NOS1AP: variants seen among roughly 807,000 people sequenced by gnomAD.
NOS1AP encodes the protein nitric oxide synthase 1 adaptor protein.
NOS1AP carries 21 observed loss-of-function variants against 56.2 expected under a neutral mutation model. The observed-to-expected ratio is 0.37, with a 90% CI of 0.26 to 0.54. The LOEUF is 0.54. Ranked by LOEUF, NOS1AP falls within the 20% of genes least tolerant of loss-of-function variation. NOS1AP has a pLI of 0.84. For synonymous variants in NOS1AP, 270 were observed against 274.6 expected, an observed-to-expected ratio of 0.98 and a Z score of 0.17; for missense variants, 522 against 657.8, an observed-to-expected ratio of 0.79 and a Z score of 2.26.
At chr1:162,126,657 T>C (rs984912809) in intron 1 of NOS1AP, among the ~76,000 whole-genome samples, 4 of 152,318 alleles carry the variant, frequency 2.6e-5, no homozygotes, top group Admixed American at 1.3e-4. Context: ...ATGAATGTGG[T>C]TTATTCAACT....
intron 1 of NOS1AP, among the ~76,000 whole-genome samples, chr1:162,110,397 T>C (rs900596807): frequency 3.9e-5 from 6 of 152,062 alleles, no homozygotes; most frequent in African/African-American, 1.2e-4. Flanking sequence ...ATTATATTAA[T>C]AAATTTGTTG....
At chr1:162,310,221 G>A (rs1481899503) in intron 4 of NOS1AP, among the ~76,000 whole-genome samples, 1 of 152,268 alleles carries the variant, frequency 6.6e-6, no homozygotes, top group East Asian at 1.9e-4. Flanking sequence ...AAAAATCAGG[G>A]AATGAGGTAT....
chr1:162,092,863 T>C (rs1222905494), intron 1 of NOS1AP, among the ~76,000 whole-genome samples: 1 of 152,206 alleles, frequency 6.6e-6, no homozygotes, highest in Non-Finnish European at 1.5e-5. Flanking sequence ...TTTAGTACCA[T>C]AAATGAGGGG....
At chr1:162,320,220 C>T (rs1009212065) in intron 4 of NOS1AP, among the ~76,000 whole-genome samples, 16 of 152,080 alleles carry the variant, frequency 1.1e-4, no homozygotes, top group Admixed American at 6.5e-4. Flanking sequence ...ACCTGCTTTT[C>T]GGTGGTGGGG....
chr1:162,367,248 T>G lies in NOS1AP; in HGVS notation c.1302T>G (p.Leu434=). 1 of 1,613,780 alleles carries G rather than the reference T, an allele frequency of 6.2e-7. No individual in the cohort carries two copies. Among genetic ancestry groups the G allele is most frequent in the Non-Finnish European group, 8.5e-7 (1 of 1,179,952 alleles). The change falls in exon 10 of 10, where the codon CTT becomes CTG. Residue 434 remains leucine (L), a synonymous_variant. Coordinates refer to ENST00000361897, the MANE Select transcript of NOS1AP (RefSeq NM_014697.3). This position sits in a 1 kb window ranked among gnomAD's most constrained non-coding sequence, Gnocchi z 6.5. ...CLVKLECFRF[L]PPEDTPPPAQ... is the part of the protein sequence containing the mutation. ...TGAAGCTGGAGTGCTTTCGCTTTCT[T>G]CCGCCCGAGGACACCCCGCCCCCAG...
intron 2 of NOS1AP, among the ~76,000 whole-genome samples, chr1:162,225,907 T>C (rs1470380918): frequency 1.3e-5 from 2 of 152,246 alleles, no homozygotes; most frequent in African/African-American, 2.4e-5. Context: ...ACAATGAAAT[T>C]ATTTTAACAA....
At chr1:162,300,523 A>AG (rs1655615004) in intron 3 of NOS1AP, 110 bp from the exon 4 acceptor site, 1 of 912,510 alleles carries the variant, frequency 1.1e-6, no homozygotes. Context: ...GGCCTCTTAG[A>AG]GGGAAAAAGT....
At chr1:162,233,335 G>A (rs1397719292) in intron 2 of NOS1AP, among the ~76,000 whole-genome samples, 1 of 152,162 alleles carries the variant, frequency 6.6e-6, no homozygotes, top group Non-Finnish European at 1.5e-5. Context: ...GGCTGGCGGG[G>A]TAGTTGTACT....
chr1:162,115,641 G>A (rs925609013), intron 1 of NOS1AP, among the ~76,000 whole-genome samples: 7 of 152,110 alleles, frequency 4.6e-5, no homozygotes, highest in East Asian at 1.9e-4. Flanking sequence ...TCCAATGTGC[G>A]TTTTGCCAAC....
At chr1:162,170,665 G>T (rs1270039781) in intron 2 of NOS1AP, among the ~76,000 whole-genome samples, 1 of 152,260 alleles carries the variant, frequency 6.6e-6, no homozygotes, top group African/African-American at 2.4e-5. Context: ...GGTGGCTCAC[G>T]CCTGTAATCC....
At chr1:162,213,255 C>A (rs191680024) in intron 2 of NOS1AP, among the ~76,000 whole-genome samples, 25 of 152,330 alleles carry the variant, frequency 1.6e-4, no homozygotes, top group Admixed American at 1.0e-3. Flanking sequence ...CTCTCATCCA[C>A]AACATTAGCT....
chr1:162,293,417 A>G (rs1189628577), intron 3 of NOS1AP, among the ~76,000 whole-genome samples: 1 of 152,226 alleles, frequency 6.6e-6, no homozygotes, highest in African/African-American at 2.4e-5. Flanking sequence ...CCATTTCCAC[A>G]TATCAAAAGG....
chr1:162,367,340 A>C lies in NOS1AP; in HGVS notation c.1394A>C (p.Glu465Ala). 6.2e-7 allele frequency: 1 copy of C among 1,613,116 alleles called. No homozygotes were observed. The highest frequency in any genetic ancestry group is 1.1e-5 in the South Asian group (1 of 91,050). The change falls in exon 10 of 10, where the codon GAG becomes GCG. Residue 465 changes from glutamate (E) to alanine (A), a missense_variant. Glu to Ala is a moderately radical substitution (Grantham distance 107). Coordinates refer to ENST00000361897, the MANE Select transcript of NOS1AP (RefSeq NM_014697.3). This position sits in a 1 kb window ranked among gnomAD's most constrained non-coding sequence, Gnocchi z 6.5. ...IKFRESGIAS[E>A]YESNTDESEE... The stretch of plus-strand genomic sequence containing the variant: ...TTCCGAGAGTCAGGCATCGCCTCGG[A>C]GTACGAGTCCAACACGGACGAGAGC...
intron 1 of NOS1AP, among the ~76,000 whole-genome samples, chr1:162,137,770 T>C (rs901768623): frequency 6.6e-6 from 1 of 152,094 alleles, no homozygotes; most frequent in African/African-American, 2.4e-5. Context: ...ACACATGTAA[T>C]TGGGTCTCGC....
At chr1:162,352,106 C>G (rs1177543013) in intron 6 of NOS1AP, among the ~76,000 whole-genome samples, 1 of 152,052 alleles carries the variant, frequency 6.6e-6, no homozygotes, top group East Asian at 1.9e-4. Context: ...ATTGCCCAGG[C>G]TGGAGTGCAG....
At chr1:162,124,860 T>C (rs1234669643) in intron 1 of NOS1AP, among the ~76,000 whole-genome samples, 1 of 152,144 alleles carries the variant, frequency 6.6e-6, no homozygotes, top group Non-Finnish European at 1.5e-5. Context: ...CATCAGTTGA[T>C]GGGCACTTAG....
intron 1 of NOS1AP, among the ~76,000 whole-genome samples, chr1:162,076,755 C>G (rs1426975625): frequency 1.3e-5 from 2 of 152,176 alleles, no homozygotes; most frequent in African/African-American, 2.4e-5. Context: ...ATCCTTACCC[C>G]CTGCGTCTTC....
intron 2 of NOS1AP, among the ~76,000 whole-genome samples, chr1:162,285,471 T>G (rs957976601): frequency 6.6e-6 from 1 of 152,148 alleles, no homozygotes; most frequent in African/African-American, 2.4e-5. Context: ...GGTGACACAA[T>G]GCAAACTGGA....
chr1:162,355,893 A>T (rs115792719), intron 7 of NOS1AP, among the ~76,000 whole-genome samples: 3,432 of 152,328 alleles, frequency 0.023, 65 homozygotes, highest in Non-Finnish European at 0.032. Context: ...TGACTGTGGC[A>T]TCTGGGGGTT....
Sources: allele counts gnomAD v4.1 joint callset (sites outside exome capture counted in the v4.1 genomes callset), GRCh38; gene constraint gnomAD v4.1.1; non-coding constraint Gnocchi (gnomAD v3.1); transcripts MANE v1.5; gene names NCBI Gene and HGNC (gene_info 2026-07-23, HGNC 2026-07-21).